AFF1: variants seen among roughly 807,000 people sequenced by gnomAD.
AFF1 encodes ALF transcription elongation factor 1.
A neutral mutation model predicts 121.7 loss-of-function variants in AFF1; 48 were observed. The observed-to-expected ratio is 0.39, with a 90% CI of 0.31 to 0.50. AFF1 has a LOEUF of 0.50. Ranked by LOEUF, AFF1 falls within the 20% of genes least tolerant of loss-of-function variation. The pLI is 0.76. For missense variants in AFF1, 1,523 were observed against 1,511.7 expected, an observed-to-expected ratio of 1.01 and a Z score of -0.12; for synonymous variants, 613 against 563.0, an observed-to-expected ratio of 1.09 and a Z score of -1.26.
At chr4:86,937,795 G>T (rs1161737281) in intron 1 of AFF1, among the ~76,000 whole-genome samples, 1 of 2,350 alleles carries the variant, frequency 4.3e-4, no homozygotes. Flanking sequence ...GGGTGGGGGT[G>T]GGGGGCTCCC....
chr4:87,021,828 G>C (rs543851470), intron 2 of AFF1, among the ~76,000 whole-genome samples: 1 of 152,116 alleles, frequency 6.6e-6, no homozygotes, highest in Non-Finnish European at 1.5e-5. Context: ...AAAGGGGTTG[G>C]GATTACTTTA....
intron 2 of AFF1, among the ~76,000 whole-genome samples, chr4:87,011,480 C>T (rs1726751506): frequency 6.6e-6 from 1 of 152,140 alleles, no homozygotes; most frequent in African/African-American, 2.4e-5. Flanking sequence ...CAGTTTTGCC[C>T]TGCCCTATGC....
intron 4 of AFF1, among the ~76,000 whole-genome samples, chr4:87,059,184 C>T (rs558204620): frequency 1.5e-4 from 23 of 152,312 alleles, no homozygotes; most frequent in African/African-American, 5.3e-4. Flanking sequence ...TAGCCTAAAA[C>T]TCTTAAAACG....
intron 2 of AFF1, among the ~76,000 whole-genome samples, chr4:86,973,352 G>A (rs1462009501): frequency 6.6e-6 from 1 of 152,186 alleles, no homozygotes; most frequent in Non-Finnish European, 1.5e-5. Context: ...ATGAGGGTGA[G>A]GTTTCGGTGT....
chr4:87,111,931 T>C (rs1002502888), intron 11 of AFF1, among the ~76,000 whole-genome samples: 3 of 152,154 alleles, frequency 2.0e-5, no homozygotes, highest in Non-Finnish European at 2.9e-5. Context: ...TACTGTCCTG[T>C]TTTGAGGGTT....
chr4:86,990,688 A>T (rs933237481), intron 2 of AFF1, among the ~76,000 whole-genome samples: 1 of 152,170 alleles, frequency 6.6e-6, no homozygotes, highest in African/African-American at 2.4e-5. Context: ...AAGGTTAAAT[A>T]TTACATGTAG....
intron 2 of AFF1, among the ~76,000 whole-genome samples, chr4:86,963,050 C>T (rs988770486): frequency 2.0e-5 from 3 of 151,374 alleles, no homozygotes; most frequent in Non-Finnish European, 4.4e-5. Flanking sequence ...CCTGTAATCC[C>T]AGCTACTTGA....
At chr4:87,132,501 C>A in intron 19 of AFF1, 93 bp downstream of exon 19, 2 of 1,287,646 alleles carry the variant, frequency 1.6e-6, no homozygotes, top group South Asian at 1.8e-5. Flanking sequence ...TTACATATGT[C>A]ACTTTGCCTT....
chr4:87,032,393 G>A (rs1392429245), intron 2 of AFF1, among the ~76,000 whole-genome samples: 1 of 151,228 alleles, frequency 6.6e-6, no homozygotes, highest in Non-Finnish European at 1.5e-5. Flanking sequence ...CTGTAGAAAC[G>A]AGTGTGGCGT....
At chr4:87,013,511 A>G (rs974685660) in intron 2 of AFF1, among the ~76,000 whole-genome samples, 4 of 152,164 alleles carry the variant, frequency 2.6e-5, no homozygotes, top group South Asian at 2.1e-4. Context: ...TATGTTTTCA[A>G]AGGGCACTCA....
rs926625336 is a variant in AFF1 at position 87,135,980 on chromosome 4, A to G, written c.*279A>G. The G allele has an allele frequency of 1.7e-5, 6 of 361,506 alleles. No individual in the cohort carries two copies. The highest frequency in any genetic ancestry group is 1.2e-4 in the African/African-American group (6 of 48,362). 22.4% of individuals were successfully genotyped at this position (361,506 alleles called of 1,614,324 possible). On this transcript the variant is annotated 3_prime_UTR_variant, in exon 21 of 21. Transcript: ENST00000395146. ...CAATTTAGCTTAAATGGGTGTATGA[A>G]TGGTCTAGAAACATTTCTATTTTTT...
At chr4:86,986,035 C>CAATTTAATTTAATTTAATTTAATTT (rs200276708) in intron 2 of AFF1, among the ~76,000 whole-genome samples, 66 of 137,700 alleles carry the variant, frequency 4.8e-4, no homozygotes, top group African/African-American at 1.5e-3. Flanking sequence ...AAATTTAATT[C>CAATTTAATTTAATTTAATTTAATTT]AATTCAATTT....
intron 2 of AFF1, among the ~76,000 whole-genome samples, chr4:87,003,533 C>G (rs2149523618): frequency 6.6e-6 from 1 of 152,222 alleles, no homozygotes; most frequent in East Asian, 1.9e-4. Context: ...GGATTACAGG[C>G]ATGAGCCACT....
rs1017186355 is a variant in AFF1 at position 87,047,441 on chromosome 4, G to A, written c.906G>A (p.Arg302=). The A allele has an allele frequency of 6.2e-7, 1 of 1,614,104 alleles. No individual in the cohort carries two copies. Among genetic ancestry groups the A allele is most frequent in the South Asian group, 1.1e-5 (1 of 91,084 alleles). Residue 302 remains arginine (R), a synonymous_variant, in exon 4 of 21, where the codon CGG becomes CGA. Transcript: ENST00000395146. ...AGCAGAAGCCCACGGCTTATGTCCGGCCCATGGATGGTCAAGATCAGGCCC... is the reference window on the plus strand; with the variant it reads ...AGCAGAAGCCCACGGCTTATGTCCGACCCATGGATGGTCAAGATCAGGCCC... The part of the protein sequence containing the change: ...AMQQKPTAYV[R]PMDGQDQAPS...
intron 10 of AFF1, among the ~76,000 whole-genome samples, chr4:87,106,706 T>C (rs569782846): frequency 3.5e-4 from 53 of 152,348 alleles, no homozygotes; most frequent in Admixed American, 1.0e-3. Flanking sequence ...TCTTTTATAA[T>C]ACTTTCCTCT....
At chr4:87,002,683 A>G (rs1313873558) in intron 2 of AFF1, among the ~76,000 whole-genome samples, 3 of 152,106 alleles carry the variant, frequency 2.0e-5, no homozygotes, top group African/African-American at 7.2e-5. Context: ...TGCTGGGATT[A>G]CAGGCATGAG....
At chr4:87,117,414 C>T (rs1349729554) in intron 12 of AFF1, among the ~76,000 whole-genome samples, 1 of 152,216 alleles carries the variant, frequency 6.6e-6, no homozygotes, top group Non-Finnish European at 1.5e-5. Flanking sequence ...TGATGTCTGA[C>T]CCACTGGTTC....
chr4:86,980,441 A>G (rs769176865), intron 2 of AFF1, among the ~76,000 whole-genome samples: 35 of 152,280 alleles, frequency 2.3e-4, no homozygotes, highest in Admixed American at 7.8e-4. Flanking sequence ...ATTATGCCAG[A>G]TGGATAGCCA....
At chr4:86,997,591 T>A (rs1725315188) in intron 2 of AFF1, among the ~76,000 whole-genome samples, 1 of 148,970 alleles carries the variant, frequency 6.7e-6, no homozygotes, top group Non-Finnish European at 1.5e-5. Flanking sequence ...TGAAACCCCA[T>A]CTCTACTAAA....
Sources: gnomAD v4.1 joint callset for allele counts (sites outside exome capture counted in the v4.1 genomes callset) on GRCh38, gnomAD v4.1.1 for gene constraint, MANE v1.5 for transcripts, NCBI Gene and HGNC (gene_info 2026-07-23, HGNC 2026-07-21) for gene names.